Variants in DENND1B observed in about 807,000 individuals in gnomAD.
DENND1B encodes DENN domain containing 1B.
In DENND1B, 59 loss-of-function variants were observed where a neutral mutation model predicts 90.1. The ratio of observed to expected loss-of-function variants is 0.65; its 90% CI spans 0.53 to 0.81. DENND1B has a LOEUF of 0.81. DENND1B is among the 40% of genes least tolerant of loss of function. The probability of loss-of-function intolerance (pLI) is 0.00; values close to 1 mark genes in which losing one functional copy is unlikely to be tolerated. For missense variants in DENND1B, 862 were observed against 912.6 expected (o/e 0.94, Z 0.71); for synonymous variants, 337 against 324.6 (o/e 1.04, Z -0.41).
intron 2 of DENND1B, among the ~76,000 whole-genome samples, chr1:197,763,286 T>A (rs958764929): frequency 1.3e-5 from 2 of 152,158 alleles, no homozygotes; most frequent in African/African-American, 4.8e-5. Context: ...TTATATATAT[T>A]TTTTTATTTC....
At chr1:197,737,631 A>G (rs1662824368) in intron 2 of DENND1B, among the ~76,000 whole-genome samples, 1 of 152,206 alleles carries the variant, frequency 6.6e-6, no homozygotes, top group South Asian at 2.1e-4. Context: ...TGAGAATGCA[A>G]CAATGATTCT....
At chr1:197,613,251 C>T (rs968569570) in intron 11 of DENND1B, among the ~76,000 whole-genome samples, 2 of 150,656 alleles carry the variant, frequency 1.3e-5, no homozygotes, top group East Asian at 3.9e-4. Context: ...TAAAAAGTTC[C>T]AAATTTATTT....
intron 2 of DENND1B, among the ~76,000 whole-genome samples, chr1:197,754,015 AAAATAAAAT>A (rs1653929488): frequency 6.6e-6 from 1 of 151,840 alleles, no homozygotes; most frequent in Non-Finnish European, 1.5e-5. Context: ...ACAATAAAAT[AAAATAAAAT>A]AAATAAAATA....
chr1:197,775,156 G>A lies in DENND1B; in HGVS notation c.-1C>T. Reference sequence around the variant, plus strand: ...CCACTCACTTGGTCCTGCAGTCCATGGTTACATGTCGGTGTGGGGCTGTCC... The same window carrying A: ...CCACTCACTTGGTCCTGCAGTCCATAGTTACATGTCGGTGTGGGGCTGTCC... On this transcript the variant is annotated 5_prime_UTR_variant, in exon 1 of 23. Coordinates refer to ENST00000620048, the MANE Select transcript of DENND1B (RefSeq NM_001195215.2). 7.7e-7 allele frequency: 1 copy of A among 1,304,340 alleles called. No homozygotes were observed. The highest frequency in any genetic ancestry group is 9.8e-7 in the Non-Finnish European group (1 of 1,018,416). 80.8% of individuals were successfully genotyped at this position (1,304,340 alleles called of 1,614,324 possible).
At chr1:197,726,486 G>A (rs1661645951) in intron 2 of DENND1B, among the ~76,000 whole-genome samples, 1 of 152,116 alleles carries the variant, frequency 6.6e-6, no homozygotes, top group African/African-American at 2.4e-5. Context: ...TTCAAACAAT[G>A]GGCTAAGATG....
intron 15 of DENND1B, among the ~76,000 whole-genome samples, chr1:197,558,810 T>A (rs1671921277): frequency 6.6e-6 from 1 of 151,910 alleles, no homozygotes; most frequent in African/African-American, 2.4e-5. Flanking sequence ...CGACACTGAG[T>A]CAATTTAAAG....
chr1:197,629,866 C>A (rs1156391946), intron 10 of DENND1B, among the ~76,000 whole-genome samples: 1 of 151,960 alleles, frequency 6.6e-6, no homozygotes, highest in African/African-American at 2.4e-5. Flanking sequence ...AAACAAACAA[C>A]CCAATTAAGA....
rs1417953202 is a variant in DENND1B at position 197,593,570 on chromosome 1, T to G, written c.1047+1638A>C. On this transcript the variant is annotated intron_variant, in intron 14 of 22. Coordinates refer to ENST00000620048, the MANE Select transcript of DENND1B (RefSeq NM_001195215.2). ...CACTGAAATCTTATACTCCTATCTG[T>G]GCAATGAAGCTTAAAGGGTGAGAAA... Among the ~76,000 whole-genome samples, 35 of 151,938 alleles carry G rather than the reference T, an allele frequency of 2.3e-4. 1 individual carries two copies.
rs2125863298 is a variant in DENND1B at position 197,617,859 on chromosome 1, T to C, written c.673-100A>G. ...ACAATGAACAGTAATCACAGAACAATTTACATAACTACATAAATCACATTG... is the reference window on the plus strand; with the variant it reads ...ACAATGAACAGTAATCACAGAACAACTTACATAACTACATAAATCACATTG... On this transcript the variant is annotated intron_variant, in intron 10 of 22. Coordinates refer to ENST00000620048, the MANE Select transcript of DENND1B (RefSeq NM_001195215.2). 5.2e-6 allele frequency: 4 copies of C among 768,844 alleles called. No homozygotes were observed. The East Asian group carries it at 1.1e-4, about 20-fold the overall frequency. 47.6% of individuals were successfully genotyped at this position (768,844 alleles called of 1,614,324 possible). A position where few individuals can be genotyped will look rare whatever the true frequency, so the allele number is the denominator to read the frequency against.
At chr1:197,770,705 A>AATATATAAATATATATCTATAAAT (rs1656388330) in intron 2 of DENND1B, among the ~76,000 whole-genome samples, 1 of 140,084 alleles carries the variant, frequency 7.1e-6, no homozygotes, top group African/African-American at 2.7e-5. Flanking sequence ...TATATCTATA[A>AATATATAAATATATATCTATAAAT]ATATATAAAT....
intron 2 of DENND1B, chr1:197,734,731 A>C (rs931355812): frequency 8.1e-6 from 8 of 983,858 alleles, no homozygotes; most frequent in African/African-American, 3.5e-5. Flanking sequence ...TAAAGAATAC[A>C]TCATTTGTTA....
intron 2 of DENND1B, among the ~76,000 whole-genome samples, chr1:197,758,647 G>T (rs767435408): frequency 3.9e-5 from 6 of 152,096 alleles, no homozygotes; most frequent in Non-Finnish European, 8.8e-5. Context: ...TCAACTCTCG[G>T]TCCAGTATCT....
In DENND1B at chr1:197,566,150, T is replaced by C. The variant is rs572189737; in HGVS notation, c.1150-13038A>G. On this transcript the variant is annotated intron_variant, in intron 15 of 22. Coordinates refer to ENST00000620048, the MANE Select transcript of DENND1B (RefSeq NM_001195215.2). ...ATTTCTCCACATCCTCTCCAGCACC[T>C]GTTGTTTCCTGACTTTTTAATGATT... Among the ~76,000 whole-genome samples, 14 of 152,186 alleles carry C rather than the reference T, an allele frequency of 9.2e-5. No homozygotes were observed. The East Asian group carries it at 2.7e-3, about 29-fold the overall frequency.
chr1:197,656,714 G>C (rs954389788), intron 6 of DENND1B, among the ~76,000 whole-genome samples: 3 of 151,838 alleles, frequency 2.0e-5, no homozygotes, highest in African/African-American at 7.3e-5. Flanking sequence ...GAGGTGAGTG[G>C]ATTGCTTGAT....
At chr1:197,632,523 T>C (rs959028289) in intron 10 of DENND1B, among the ~76,000 whole-genome samples, 1 of 152,164 alleles carries the variant, frequency 6.6e-6, no homozygotes, top group South Asian at 2.1e-4. Flanking sequence ...ACACTGACTG[T>C]CCTTGACTCA....
At chr1:197,756,918 C>CT (rs1654383514) in intron 2 of DENND1B, among the ~76,000 whole-genome samples, 1 of 150,922 alleles carries the variant, frequency 6.6e-6, no homozygotes, top group Non-Finnish European at 1.5e-5. Flanking sequence ...GCAATCCTCT[C>CT]TCCTAGCTTT....
chr1:197,652,430 A>G (rs1653333829), intron 6 of DENND1B, 115 bp from the exon 7 acceptor site: 2 of 748,890 alleles, frequency 2.7e-6, no homozygotes, highest in South Asian at 4.8e-5. Context: ...TATTTTATAT[A>G]AATGTTTTCC....
At position 197,630,661 on chromosome 1, in the gene DENND1B, T is replaced by G. The variant is rs184832431; in HGVS notation, c.672+12050A>C. Among the ~76,000 whole-genome samples, 138 of 152,264 alleles carry G rather than the reference T, an allele frequency of 9.1e-4. 1 individual carries two copies. The highest frequency in any genetic ancestry group is 6.8e-4 in the Non-Finnish European group (46 of 68,022). On this transcript the variant is annotated intron_variant, in intron 10 of 22. Coordinates refer to ENST00000620048, the MANE Select transcript of DENND1B (RefSeq NM_001195215.2). ...ATCTCACATTTAGTCACTGGTTTAT[T>G]AGCTCTTCCTAGCCAAATAATTCTA... is the stretch of plus-strand genomic sequence containing the variant.
intron 2 of DENND1B, among the ~76,000 whole-genome samples, chr1:197,752,732 T>TGCTGCAC (rs1008276596): frequency 7.0e-4 from 107 of 152,082 alleles, no homozygotes; most frequent in Middle Eastern, 3.4e-3. Context: ...CATATTGGTG[T>TGCTGCAC]GCTGCACCCG....
Sources: gnomAD v4.1 joint callset for allele counts (sites outside exome capture counted in the v4.1 genomes callset) on GRCh38, gnomAD v4.1.1 for gene constraint, MANE v1.5 for transcripts, NCBI Gene and HGNC (gene_info 2026-07-23, HGNC 2026-07-21) for gene names.